Variants in DLG2 observed in about 807,000 individuals in gnomAD.
DLG2 encodes the protein disks large homolog 2.
Under a neutral mutation model 132.5 loss-of-function variants are expected in DLG2, and 45 were observed. That is an observed-to-expected ratio of 0.34 (90% CI 0.27 to 0.44). The LOEUF (loss-of-function observed/expected upper bound fraction) is 0.44, where lower values mean the gene tolerates loss of function less well. Ranked by LOEUF, DLG2 falls within the 20% of genes least tolerant of loss-of-function variation. DLG2 has a pLI of 1.00. For missense variants in DLG2, 1,045 were observed against 1,196.9 expected (o/e 0.87, Z 1.87); for synonymous variants, 424 against 419.6 (o/e 1.01, Z -0.13).
chr11:84,208,777 T>A (rs2096711923), intron 8 of DLG2, among the ~76,000 whole-genome samples: 1 of 152,228 alleles, frequency 6.6e-6, no homozygotes, highest in Non-Finnish European at 1.5e-5. Context: ...GATAAATTTG[T>A]TTATCATAGG....
At chr11:83,946,663 A>G (rs1214327848) in intron 14 of DLG2, among the ~76,000 whole-genome samples, 2 of 152,268 alleles carry the variant, frequency 1.3e-5, no homozygotes, top group African/African-American at 2.4e-5. Context: ...TAATATTTGT[A>G]GAGTGTAAAT....
chr11:84,998,879 G>A (rs2154129657), intron 6 of DLG2, among the ~76,000 whole-genome samples: 1 of 152,100 alleles, frequency 6.6e-6, no homozygotes, highest in African/African-American at 2.4e-5. Flanking sequence ...ATTCCTAAAA[G>A]TAGCCCTGCT....
chr11:85,182,171 C>G (rs532139091), intron 4 of DLG2, among the ~76,000 whole-genome samples: 1 of 151,972 alleles, frequency 6.6e-6, no homozygotes, highest in Admixed American at 6.6e-5. Context: ...CCTATGTTAT[C>G]CCAATTCATT....
At chr11:85,194,035 T>G (rs1452060600) in intron 4 of DLG2, among the ~76,000 whole-genome samples, 1 of 152,242 alleles carries the variant, frequency 6.6e-6, no homozygotes, top group Non-Finnish European at 1.5e-5. Context: ...GAATGCACTT[T>G]AGCAGTGGAT....
rs187418764 is a variant in DLG2, at chr11:84,844,283, T to C, written c.357+267378A>G. On this transcript the variant is annotated intron_variant, in intron 6 of 27. Coordinates refer to ENST00000376104, the MANE Select transcript of DLG2 (RefSeq NM_001142699.3). ...GAATATATACACACACACATTACTT[T>C]TTTTTGCAGGGATCTTGATACATAA... 2.3e-3 allele frequency among the ~76,000 whole-genome samples: 350 copies of C among 151,230 alleles called. 2 individuals carry two copies. Among genetic ancestry groups the C allele is most frequent in the Non-Finnish European group, 4.4e-3 (300 of 67,728 alleles).
intron 3 of DLG2, among the ~76,000 whole-genome samples, chr11:85,390,615 T>G (rs2086716921): frequency 6.6e-6 from 1 of 151,434 alleles, no homozygotes; most frequent in Non-Finnish European, 1.5e-5. Context: ...GGAAAAAAAA[T>G]GAAAATAAAC....
At chr11:84,960,440 T>C (rs2052380092) in intron 6 of DLG2, among the ~76,000 whole-genome samples, 1 of 109,156 alleles carries the variant, frequency 9.2e-6, no homozygotes, top group Non-Finnish European at 2.1e-5. Context: ...TTCTTTTAAC[T>C]TTTTTTTTTT....
chr11:85,581,082 C>T (rs1260050716), intron 3 of DLG2, among the ~76,000 whole-genome samples: 1 of 152,064 alleles, frequency 6.6e-6, no homozygotes, highest in Non-Finnish European at 1.5e-5. Flanking sequence ...TGTTCATTCC[C>T]CCAGCTCTCT....
chr11:84,431,057 A>G (rs2098983185), intron 7 of DLG2, among the ~76,000 whole-genome samples: 2 of 152,218 alleles, frequency 1.3e-5, no homozygotes, highest in South Asian at 2.1e-4. Flanking sequence ...TGAATCTTCA[A>G]TATCAGGACA....
At chr11:83,953,567 A>G (rs2086039188) in intron 14 of DLG2, among the ~76,000 whole-genome samples, 1 of 152,214 alleles carries the variant, frequency 6.6e-6, no homozygotes, top group Non-Finnish European at 1.5e-5. Context: ...CAAAAAGGTT[A>G]GGGACCACTG....
chr11:84,645,474 T>C (rs1177210061), intron 6 of DLG2, among the ~76,000 whole-genome samples: 1 of 152,132 alleles, frequency 6.6e-6, no homozygotes, highest in African/African-American at 2.4e-5. Context: ...TTTATTTATT[T>C]ATTTATTTTT....
chr11:85,391,347 G>A lies in DLG2; in HGVS notation c.41-105982C>T, dbSNP rs997592652. 2.6e-5 allele frequency among the ~76,000 whole-genome samples: 4 copies of A among 152,138 alleles called. No individual in the cohort carries two copies. The East Asian group carries it at 5.8e-4, about 22-fold the overall frequency. ...TCCAGGACCAGATGGACTCACAGCT[G>A]AATTATATCAGACATTCAAGGAATT... On this transcript the variant is annotated intron_variant, in intron 3 of 27. Coordinates refer to ENST00000376104, the MANE Select transcript of DLG2 (RefSeq NM_001142699.3).
At chr11:85,604,151 A>G (rs2080356053) in intron 2 of DLG2, among the ~76,000 whole-genome samples, 1 of 152,242 alleles carries the variant, frequency 6.6e-6, no homozygotes, top group Non-Finnish European at 1.5e-5. Context: ...TATGCCTCTC[A>G]TCGCTGTAGG....
chr11:84,386,498 C>CT lies in DLG2; in HGVS notation c.520-135208dup, dbSNP rs149677385. On this transcript the variant is annotated intron_variant, in intron 7 of 27. Transcript: ENST00000376104. ...CATTCTTCCTTCCACATCCCCTCTT[C>CT]TGTCAGCTAAATATTTACTTCTATA... 3.3e-3 allele frequency among the ~76,000 whole-genome samples: 495 copies of CT among 152,218 alleles called. 22 individuals carry two copies. In the East Asian group the frequency reaches 0.073, roughly 23 times the overall value.
chr11:83,590,785 A>T (rs1324912071), intron 19 of DLG2, among the ~76,000 whole-genome samples: 1 of 152,108 alleles, frequency 6.6e-6, no homozygotes, highest in Non-Finnish European at 1.5e-5. Context: ...TCAAATAGAC[A>T]CAATAAAAAA....
rs547180270 is a variant in DLG2, at chr11:84,366,335, A to G, written c.520-115044T>C. 3.9e-3 allele frequency among the ~76,000 whole-genome samples: 599 copies of G among 152,210 alleles called. 2 individuals carry two copies. Among genetic ancestry groups the G allele is most frequent in the Non-Finnish European group, 5.3e-3 (361 of 68,008 alleles). ...GAAGCACTAAACATGGAAAGGAACA[A>G]CTGGTACCAGCCGCTGCAAAATCAT... is the stretch of plus-strand genomic sequence containing the variant. On this transcript the variant is annotated intron_variant, in intron 7 of 27. Transcript: ENST00000376104.
At position 85,495,360 on chromosome 11, in the gene DLG2, G is replaced by A. The variant is rs141809302; in HGVS notation, c.40+103297C>T. 3.3e-5 allele frequency among the ~76,000 whole-genome samples: 5 copies of A among 152,112 alleles called. No individual in the cohort carries two copies. The East Asian group carries it at 9.7e-4, about 29-fold the overall frequency. On this transcript the variant is annotated intron_variant, in intron 3 of 27. Transcript: ENST00000376104. The stretch of plus-strand genomic sequence containing the variant: ...AGTGAACAGGCAACCTACAGAATGG[G>A]AGAAAATTTCTGAAATCTATCCATC...
chr11:84,308,776 C>T (rs1017404498), intron 7 of DLG2, among the ~76,000 whole-genome samples: 3 of 152,210 alleles, frequency 2.0e-5, no homozygotes, highest in Admixed American at 2.0e-4. Context: ...AGCCACTGGC[C>T]CGGGTGCTAA....
rs560337643 is a variant in DLG2 at position 83,541,943 on chromosome 11, C to T, written c.1941-85G>A. 59 of 1,316,060 alleles carry T rather than the reference C, an allele frequency of 4.5e-5. No individual in the cohort carries two copies. In the African/African-American group the frequency reaches 7.8e-4, roughly 17 times the overall value. The allele number at this position is 1,316,060 out of a possible 1,614,324, so 81.5% of individuals were successfully genotyped here. A position where few individuals can be genotyped will look rare whatever the true frequency, so the allele number is the denominator to read the frequency against. ...TTATGGTTTCAAATGTTTGCTCTTG[C>T]TCTGAGAACCTATCATCACTTGATA... On this transcript the variant is annotated intron_variant, in intron 19 of 27. Transcript: ENST00000376104.
Sources: allele counts gnomAD v4.1 joint callset (sites outside exome capture counted in the v4.1 genomes callset), GRCh38; gene constraint gnomAD v4.1.1; transcripts MANE v1.5; gene names NCBI Gene and HGNC (gene_info 2026-07-23, HGNC 2026-07-21).